Variants in CD1B observed in about 807,000 individuals in gnomAD.
CD1B encodes T-cell surface glycoprotein CD1b.
Under a neutral mutation model 39.8 loss-of-function variants are expected in CD1B, and 43 were observed. The observed-to-expected ratio is 1.08, with a 90% CI of 0.85 to 1.39. The LOEUF is 1.39. Ranked by LOEUF, CD1B falls within the 40% of genes most tolerant of loss-of-function variation. The pLI, the probability that CD1B is intolerant of heterozygous loss-of-function variation, is 0.00. For synonymous variants in CD1B, 192 were observed against 152.5 expected, an observed-to-expected ratio of 1.26 and a Z score of -1.91; for missense variants, 495 against 403.8, an observed-to-expected ratio of 1.23 and a Z score of -1.94.
the CD1B span, among the ~76,000 whole-genome samples, chr1:158,320,378 C>T: frequency 6.6e-6 from 1 of 152,168 alleles, no homozygotes; most frequent in Non-Finnish European, 1.5e-5. Flanking sequence ...TTTTTTAAGT[C>T]CGTTGGAAAA....
intron 2 of CD1B, chr1:158,330,573 G>T: frequency 1.4e-6 from 1 of 697,810 alleles, no homozygotes; most frequent in East Asian, 2.8e-5. Flanking sequence ...GTTACAAAGT[G>T]GAAGACAGTC....
the CD1B span, among the ~76,000 whole-genome samples, chr1:158,294,924 AG>A: frequency 6.6e-6 from 1 of 152,094 alleles, no homozygotes; most frequent in Non-Finnish European, 1.5e-5. Flanking sequence ...CAGATCTGGC[AG>A]GGCCTTTGTC....
At chr1:158,316,777 T>C in the CD1B span, among the ~76,000 whole-genome samples, 93 of 151,888 alleles carry the variant, frequency 6.1e-4, no homozygotes, top group Non-Finnish European at 2.4e-4. Context: ...CCATTCAGTA[T>C]GATATTGGCT....
the CD1B span, among the ~76,000 whole-genome samples, chr1:158,302,072 A>T: frequency 1.3e-5 from 2 of 152,164 alleles, no homozygotes; most frequent in African/African-American, 4.8e-5. Flanking sequence ...ATTCAAAAAA[A>T]CCAAAATCAT....
the CD1B span, among the ~76,000 whole-genome samples, chr1:158,294,316 C>T: frequency 1.3e-5 from 2 of 152,138 alleles, no homozygotes; most frequent in Non-Finnish European, 2.9e-5. Flanking sequence ...AACTTTAGTC[C>T]CTTTAGGTTT....
chr1:158,315,900 T>C, the CD1B span, among the ~76,000 whole-genome samples: 1 of 152,060 alleles, frequency 6.6e-6, no homozygotes, highest in East Asian at 1.9e-4. Flanking sequence ...CCCAGCACCA[T>C]TTATTAAATG....
intron 4 of CD1B, 124 bp from the exon 5 acceptor site, chr1:158,329,138 C>T (rs2101712867): frequency 1.0e-6 from 1 of 964,834 alleles, no homozygotes. Context: ...ATATTCCTGG[C>T]CACCATATAT....
chr1:158,319,029 A>G, the CD1B span, among the ~76,000 whole-genome samples: 2 of 151,946 alleles, frequency 1.3e-5, no homozygotes, highest in South Asian at 2.1e-4. Context: ...CTGCCAAGAG[A>G]TCCGCTGTTA....
the CD1B span, among the ~76,000 whole-genome samples, chr1:158,304,743 C>G: frequency 7.4e-4 from 112 of 152,300 alleles, 4 homozygotes; most frequent in South Asian, 0.023. Context: ...GACAAAACTT[C>G]CAGAGGAATA....
At chr1:158,308,431 C>T in the CD1B span, among the ~76,000 whole-genome samples, 1 of 152,144 alleles carries the variant, frequency 6.6e-6, no homozygotes, top group Non-Finnish European at 1.5e-5. Context: ...GATTCAATGC[C>T]ATCTCCATCA....
chr1:158,289,985 A>G, the CD1B span: 1 of 1,291,658 alleles, frequency 7.7e-7, no homozygotes, highest in Non-Finnish European at 1.1e-6. Context: ...AAGTCAGAAT[A>G]TAGGTACAGA....
chr1:158,296,184 G>GC, the CD1B span, among the ~76,000 whole-genome samples: 80 of 139,186 alleles, frequency 5.7e-4, no homozygotes, highest in African/African-American at 2.2e-3. Context: ...CCCCCACCCT[G>GC]CCCACCATAG....
chr1:158,327,360 T>C (rs1405654709), downstream of CD1B, among the ~76,000 whole-genome samples: 1 of 152,178 alleles, frequency 6.6e-6, no homozygotes, highest in African/African-American at 2.4e-5. Flanking sequence ...AGCTAGACTA[T>C]AGCTGTAGTA....
chr1:158,306,370 G>C, the CD1B span, among the ~76,000 whole-genome samples: 6 of 152,178 alleles, frequency 3.9e-5, no homozygotes, highest in Non-Finnish European at 7.3e-5. Flanking sequence ...AATTCAGCAA[G>C]AAGAGCTAAC....
In CD1B at chr1:158,331,044, G is replaced by A. The variant is rs1652583123; in HGVS notation, c.80C>T (p.Ser27Phe). 2 of 1,612,596 alleles carry A rather than the reference G, an allele frequency of 1.2e-6. No individual in the cohort carries two copies. Among genetic ancestry groups the A allele is most frequent in the African/African-American group, 2.7e-5 (2 of 74,998 alleles). The change falls in exon 2 of 6, where the codon TCC becomes TTC. Residue 27 changes from serine (S) to phenylalanine (F), a missense_variant. Physicochemically the swap from Ser to Phe is radical, Grantham distance 155. Transcript: ENST00000368168. ...GGACGAGGTCTGGATAACATGAAAG[G>A]AGGTCGGCCCCTGGAAGGCTGTGAA... Reference protein sequence around the residue: ...NSEHAFQGPTSFHVIQTSSFT... With the variant: ...NSEHAFQGPTFFHVIQTSSFT...
At chr1:158,291,370 C>T in the CD1B span, 1 of 1,614,064 alleles carries the variant, frequency 6.2e-7, no homozygotes, top group Non-Finnish European at 8.5e-7. Flanking sequence ...TCGGGAGATT[C>T]AAGACCATGC....
the CD1B span, among the ~76,000 whole-genome samples, chr1:158,296,735 A>G: frequency 6.6e-6 from 1 of 152,334 alleles, no homozygotes; most frequent in East Asian, 1.9e-4. Context: ...AAGACAAAAT[A>G]GCCATTTTAA....
downstream of CD1B, among the ~76,000 whole-genome samples, chr1:158,324,304 G>T (rs748563393): frequency 2.0e-4 from 30 of 152,260 alleles, no homozygotes; most frequent in Non-Finnish European, 3.8e-4. Context: ...CCTACCTAGG[G>T]CCTTGATTCC....
chr1:158,293,565 C>T, the CD1B span: 3 of 1,613,872 alleles, frequency 1.9e-6, no homozygotes, highest in Non-Finnish European at 2.5e-6. Flanking sequence ...GTCGACTCTC[C>T]ATTTAAATTG....
Sources: gnomAD v4.1 joint callset for allele counts (sites outside exome capture counted in the v4.1 genomes callset) on GRCh38, gnomAD v4.1.1 for gene constraint, MANE v1.5 for transcripts, NCBI Gene and HGNC (gene_info 2026-07-23, HGNC 2026-07-21) for gene names.